The following TMEM132B variants were observed in gnomAD, a reference collection of about 807,000 sequenced individuals.
TMEM132B encodes the protein transmembrane protein 132B.
Under a neutral mutation model 90.8 loss-of-function variants are expected in TMEM132B, and 18 were observed. That is an observed-to-expected ratio of 0.20 (90% CI 0.14 to 0.29). TMEM132B has a LOEUF of 0.29. Ranked by LOEUF, TMEM132B falls within the 10% of genes least tolerant of loss-of-function variation. The pLI, the probability that TMEM132B is intolerant of heterozygous loss-of-function variation, is 1.00. For missense variants in TMEM132B, 1,096 were observed against 1,326.8 expected (o/e 0.83, Z 2.70); for synonymous variants, 504 against 523.3 (o/e 0.96, Z 0.50).
At chr12:125,413,703 C>T (rs558115780) in intron 2 of TMEM132B, among the ~76,000 whole-genome samples, 32 of 152,278 alleles carry the variant, frequency 2.1e-4, no homozygotes, top group Admixed American at 1.2e-3. Context: ...AATAATATTC[C>T]GTCATATGGA....
intron 4 of TMEM132B, among the ~76,000 whole-genome samples, chr12:125,533,007 T>C (rs1254910822): frequency 6.6e-6 from 1 of 152,156 alleles, no homozygotes; most frequent in Non-Finnish European, 1.5e-5. Context: ...GCGAGTCACT[T>C]TGCCAGCCTC....
At chr12:125,633,776 G>C (rs1239256914) in intron 5 of TMEM132B, among the ~76,000 whole-genome samples, 1 of 152,166 alleles carries the variant, frequency 6.6e-6, no homozygotes, top group East Asian at 1.9e-4. Flanking sequence ...CAAACAAATG[G>C]AGTCTCTCTC....
chr12:125,520,678 C>T (rs183607258), intron 4 of TMEM132B, among the ~76,000 whole-genome samples: 3 of 152,286 alleles, frequency 2.0e-5, no homozygotes, highest in African/African-American at 7.2e-5. Flanking sequence ...TACCTGTCAT[C>T]ATCCTGTTTT....
intron 3 of TMEM132B, among the ~76,000 whole-genome samples, chr12:125,473,298 C>A (rs1368545405): frequency 2.6e-5 from 4 of 152,164 alleles, no homozygotes; most frequent in Admixed American, 2.0e-4. Context: ...AAAGGCCCAC[C>A]CCCCACCATT....
intron 3 of TMEM132B, among the ~76,000 whole-genome samples, chr12:125,452,323 C>CT (rs144235676): frequency 0.062 from 9,464 of 152,210 alleles, 922 homozygotes; most frequent in African/African-American, 0.21. Flanking sequence ...CAACTTGATT[C>CT]TTTTAACTTC....
At chr12:125,583,721 G>C in intron 4 of TMEM132B, 130 bp from the exon 5 acceptor site, 1 of 1,108,078 alleles carries the variant, frequency 9.0e-7, no homozygotes, top group Non-Finnish European at 1.3e-6. Context: ...TTGTGGCTTT[G>C]TCCCTTCAGA....
At chr12:125,338,675 T>C (rs1877062338) in intron 1 of TMEM132B, among the ~76,000 whole-genome samples, 1 of 152,180 alleles carries the variant, frequency 6.6e-6, no homozygotes, top group South Asian at 2.1e-4. Context: ...TGGCAGCACA[T>C]GTAGAATGTT....
chr12:125,584,197 C>A (rs1885124118), intron 5 of TMEM132B: 2 of 652,752 alleles, frequency 3.1e-6, no homozygotes, highest in African/African-American at 3.6e-5. Flanking sequence ...CTGCTTCCCT[C>A]TCCCTGGAAA....
intron 2 of TMEM132B, among the ~76,000 whole-genome samples, chr12:125,360,393 C>G (rs571533955): frequency 6.6e-6 from 1 of 152,202 alleles, no homozygotes; most frequent in Non-Finnish European, 1.5e-5. Flanking sequence ...AGACGATGGT[C>G]TACAATAAGA....
chr12:125,451,726 A>T (rs1437016142), intron 3 of TMEM132B, among the ~76,000 whole-genome samples: 1 of 152,074 alleles, frequency 6.6e-6, no homozygotes, highest in Non-Finnish European at 1.5e-5. Flanking sequence ...TGTTTTCAGA[A>T]ATGTTTGTGG....
chr12:125,483,440 AC>A (rs1434354513), intron 3 of TMEM132B, among the ~76,000 whole-genome samples: 3 of 152,208 alleles, frequency 2.0e-5, no homozygotes, highest in South Asian at 4.1e-4. Context: ...AAAGAAAAAA[AC>A]AATGTAACTA....
chr12:125,576,299 A>G (rs372302396), intron 4 of TMEM132B, among the ~76,000 whole-genome samples: 4 of 152,108 alleles, frequency 2.6e-5, no homozygotes, highest in East Asian at 3.9e-4. Flanking sequence ...GATAAAATTG[A>G]GTTTTAGATT....
intron 1 of TMEM132B, among the ~76,000 whole-genome samples, chr12:125,221,636 A>G (rs920651214): frequency 6.6e-6 from 1 of 152,370 alleles, no homozygotes; most frequent in South Asian, 2.1e-4. Context: ...TGTAAAAGAA[A>G]GAATGCTTGG....
intron 6 of TMEM132B, among the ~76,000 whole-genome samples, chr12:125,646,038 G>A (rs1886756959): frequency 6.6e-6 from 1 of 152,192 alleles, no homozygotes; most frequent in African/African-American, 2.4e-5. Flanking sequence ...GAAATCCCAA[G>A]TCACCTTACA....
intron 4 of TMEM132B, among the ~76,000 whole-genome samples, chr12:125,572,392 C>G (rs532668537): frequency 2.0e-5 from 3 of 152,136 alleles, no homozygotes; most frequent in Non-Finnish European, 4.4e-5. Flanking sequence ...TCCTTTTTGC[C>G]CTCTGCCTTC....
rs1887102610 is a variant in TMEM132B at position 125,657,757 on chromosome 12, G to C, written c.*3047G>C. 1 of 152,188 alleles carries C rather than the reference G, an allele frequency of 6.6e-6. No homozygotes were observed. Among genetic ancestry groups the C allele is most frequent in the Admixed American group, 6.5e-5 (1 of 15,280 alleles). 9.4% of individuals were successfully genotyped at this position (152,188 alleles called of 1,614,324 possible). ...CCTTCCTCTCCCATGGGAATGGAAT[G>C]CTCAGACTCCTGCTGAGGGAGACAC... On this transcript the variant is annotated 3_prime_UTR_variant, in exon 9 of 9. Transcript: ENST00000682704.
chr12:125,373,147 G>A (rs117573963), intron 2 of TMEM132B, among the ~76,000 whole-genome samples: 303 of 152,294 alleles, frequency 2.0e-3, no homozygotes, highest in South Asian at 7.0e-3. Context: ...AGCTCCATGC[G>A]GGCAGGGACA....
At chr12:125,634,301 G>T (rs1021842351) in intron 5 of TMEM132B, among the ~76,000 whole-genome samples, 3 of 152,154 alleles carry the variant, frequency 2.0e-5, no homozygotes, top group African/African-American at 7.2e-5. Context: ...AGGCTACCCG[G>T]CCTGAGACTC....
chr12:125,634,569 G>A (rs941045558), intron 5 of TMEM132B, among the ~76,000 whole-genome samples: 1 of 152,244 alleles, frequency 6.6e-6, no homozygotes, highest in East Asian at 1.9e-4. Context: ...GCTCAGCCAT[G>A]GCCCTTGATG....
Sources: gnomAD v4.1 joint callset for allele counts (sites outside exome capture counted in the v4.1 genomes callset) on GRCh38, gnomAD v4.1.1 for gene constraint, MANE v1.5 for transcripts, NCBI Gene and HGNC (gene_info 2026-07-23, HGNC 2026-07-21) for gene names.